The following HLTF variants were observed in gnomAD, a reference collection of about 807,000 sequenced individuals.
HLTF encodes helicase like transcription factor.
HLTF carries 127 observed loss-of-function variants against 129.4 expected under a neutral mutation model. The observed-to-expected ratio is 0.98, with a 90% CI of 0.85 to 1.14. The LOEUF (loss-of-function observed/expected upper bound fraction) is 1.14, where lower values mean the gene tolerates loss of function less well. HLTF is among the 50% of genes most tolerant of loss of function. HLTF has a pLI of 0.00. For missense variants in HLTF, 1,139 were observed against 1,187.1 expected (o/e 0.96, Z 0.60); for synonymous variants, 332 against 388.8 (o/e 0.85, Z 1.72).
At chr3:149,076,172 T>C (rs1274422127) in intron 2 of HLTF, 125 bp from the exon 3 acceptor site, 2 of 414,382 alleles carry the variant, frequency 4.8e-6, no homozygotes, top group East Asian at 3.6e-5. Flanking sequence ...AAGAAAAATA[T>C]ATTTTCTAGA....
intron 21 of HLTF, 68 bp from the exon 22 acceptor site, chr3:149,039,761 A>T (rs772691405): frequency 3.5e-6 from 3 of 865,608 alleles, no homozygotes; most frequent in Non-Finnish European, 1.7e-6. Context: ...AAAAGTTTTT[A>T]TCATAAAGAA....
intron 7 of HLTF, among the ~76,000 whole-genome samples, chr3:149,070,819 C>A (rs983232877): frequency 6.6e-6 from 1 of 152,056 alleles, no homozygotes; most frequent in Non-Finnish European, 1.5e-5. Flanking sequence ...CCAAGGCGGG[C>A]GGATCACTTG....
intron 18 of HLTF, among the ~76,000 whole-genome samples, chr3:149,043,994 T>C (rs1716335853): frequency 2.6e-5 from 4 of 152,174 alleles, no homozygotes; most frequent in Admixed American, 2.6e-4. Flanking sequence ...CATTTCTGAA[T>C]ATTCAAGAAT....
At chr3:149,059,685 ACC>A in intron 13 of HLTF, 31 bp downstream of exon 13, 1 of 1,363,506 alleles carries the variant, frequency 7.3e-7, no homozygotes, top group East Asian at 2.3e-5. Flanking sequence ...CAGAAAAAAA[ACC>A]AAAAACTAGA....
At chr3:149,085,212 C>T (rs1720251884) in intron 1 of HLTF, among the ~76,000 whole-genome samples, 1 of 152,172 alleles carries the variant, frequency 6.6e-6, no homozygotes, top group South Asian at 2.1e-4. Flanking sequence ...AATTATGGGC[C>T]GGATGCGGTG....
chr3:149,068,378 C>T (rs1395193407), intron 7 of HLTF, 43 bp from the exon 8 acceptor site: 5 of 867,196 alleles, frequency 5.8e-6, no homozygotes, highest in African/African-American at 1.7e-5. Flanking sequence ...ATTGTGAAAC[C>T]CAGTTCACCA....
Position 149,032,029 on chromosome 3 carries a change from T to C in HLTF, c.*191A>G, listed in dbSNP as rs1227378767. ...AGGCCACAGTATATAACGGAACTTA[T>C]TGCTATTTGAAGTTTCATTAAAAAT... is the stretch of plus-strand genomic sequence containing the variant. On this transcript the variant is annotated 3_prime_UTR_variant, in exon 25 of 25. Transcript: ENST00000310053. 6 of 407,238 alleles carry C rather than the reference T, an allele frequency of 1.5e-5. No homozygotes were observed. The highest frequency in any genetic ancestry group is 8.3e-5 in the African/African-American group (4 of 48,326). The allele number at this position is 407,238 out of a possible 1,614,324, so 25.2% of individuals were successfully genotyped here. A position where few individuals can be genotyped will look rare whatever the true frequency, so the allele number is the denominator to read the frequency against.
intron 1 of HLTF, among the ~76,000 whole-genome samples, chr3:149,085,472 G>A (rs918030270): frequency 2.0e-5 from 3 of 152,230 alleles, no homozygotes; most frequent in Non-Finnish European, 4.4e-5. Context: ...CTGGACGACA[G>A]AGCGAGACTC....
chr3:149,044,253 T>C (rs1220110018), intron 18 of HLTF, among the ~76,000 whole-genome samples: 1 of 152,166 alleles, frequency 6.6e-6, no homozygotes, highest in Non-Finnish European at 1.5e-5. Context: ...TGTTAGTAAA[T>C]ATATAGCCTA....
At chr3:149,067,965 G>A (rs1718540108) in intron 8 of HLTF, among the ~76,000 whole-genome samples, 1 of 152,078 alleles carries the variant, frequency 6.6e-6, no homozygotes, top group Admixed American at 6.6e-5. Context: ...ACAACATGGC[G>A]AAATCCCACG....
intron 24 of HLTF, among the ~76,000 whole-genome samples, chr3:149,032,632 A>C (rs1715198533): frequency 6.6e-6 from 1 of 152,186 alleles, no homozygotes; most frequent in Admixed American, 6.5e-5. Context: ...CAAACTATAT[A>C]GGCAACTCTG....
In HLTF at chr3:149,030,821, A is replaced by G. The variant is rs185005443; in HGVS notation, c.*1399T>C. Reference sequence around the variant, plus strand: ...GCTGGCTAATTCACTGTTCCCTTTGAGCAAGAAAACGGCACAGGGAGAAAA... The same window carrying G: ...GCTGGCTAATTCACTGTTCCCTTTGGGCAAGAAAACGGCACAGGGAGAAAA... On this transcript the variant is annotated 3_prime_UTR_variant, in exon 25 of 25. Transcript: ENST00000310053. 3 of 152,330 alleles carry G rather than the reference A, an allele frequency of 2.0e-5. No individual in the cohort carries two copies. The highest frequency in any genetic ancestry group is 1.3e-4 in the Admixed American group (2 of 15,304). 9.4% of individuals were successfully genotyped at this position (152,330 alleles called of 1,614,324 possible).
chr3:149,075,763 A>G, intron 3 of HLTF, 118 bp downstream of exon 3: 1 of 561,732 alleles, frequency 1.8e-6, no homozygotes, highest in Non-Finnish European at 3.0e-6. Context: ...AACACGTACC[A>G]AAAGTACAGT....
In HLTF at chr3:149,050,388, T is replaced by C. The variant is rs1034078210; in HGVS notation, c.1474-13A>G. On this transcript the variant is annotated splice_polypyrimidine_tract_variant and intron_variant, in intron 14 of 24. Transcript: ENST00000310053. ...GTCCAAACTGGTCCTAAAGAAAAAT[T>C]AGGAATATTTTTAACAATGAGCAGA... The C allele has an allele frequency of 5.2e-6, 8 of 1,536,292 alleles. No individual in the cohort carries two copies. The East Asian group carries it at 1.2e-4, about 22-fold the overall frequency.
Position 149,032,182 on chromosome 3 carries a change from A to T in HLTF, c.*38T>A. 4.9e-6 allele frequency: 7 copies of T among 1,432,620 alleles called. No homozygotes were observed. The highest frequency in any genetic ancestry group is 6.6e-6 in the Non-Finnish European group (7 of 1,065,850). 88.7% of individuals were successfully genotyped at this position (1,432,620 alleles called of 1,614,324 possible). On this transcript the variant is annotated 3_prime_UTR_variant, in exon 25 of 25. Transcript: ENST00000310053. ...GTATTTTTCTCATTTCTAAAACTTA[A>T]GTATCCAATCAAACTGACCTTACTA...
intron 2 of HLTF, among the ~76,000 whole-genome samples, chr3:149,077,463 G>A (rs1719475149): frequency 6.6e-6 from 1 of 151,700 alleles, no homozygotes; most frequent in Non-Finnish European, 1.5e-5. Context: ...AGCTCACCAA[G>A]TACAAAAAAA....
At chr3:149,078,449 C>T (rs954496928) in intron 2 of HLTF, among the ~76,000 whole-genome samples, 2 of 152,138 alleles carry the variant, frequency 1.3e-5, no homozygotes, top group African/African-American at 4.8e-5. Flanking sequence ...ATTCAGGAGT[C>T]TGAGGTGGGA....
At chr3:149,037,725 G>A (rs573667143) in intron 23 of HLTF, among the ~76,000 whole-genome samples, 1 of 152,268 alleles carries the variant, frequency 6.6e-6, no homozygotes, top group South Asian at 2.1e-4. Context: ...AATCTTCTGA[G>A]TTTCAGGTAA....
At chr3:149,035,124 T>G in intron 23 of HLTF, 126 bp from the exon 24 acceptor site, 1 of 718,954 alleles carries the variant, frequency 1.4e-6, no homozygotes, top group Admixed American at 2.1e-5. Flanking sequence ...TGAAGTCAGA[T>G]ACTAACATCA....
Sources: allele counts gnomAD v4.1 joint callset (sites outside exome capture counted in the v4.1 genomes callset), GRCh38; gene constraint gnomAD v4.1.1; transcripts MANE v1.5; gene names NCBI Gene and HGNC (gene_info 2026-07-23, HGNC 2026-07-21).